TBC1D19: variants seen among roughly 807,000 people sequenced by gnomAD.
TBC1D19 encodes TBC1 domain family, member 19.
A neutral mutation model predicts 89.0 loss-of-function variants in TBC1D19; 60 were observed. The ratio of observed to expected loss-of-function variants is 0.67; its 90% confidence interval spans 0.55 to 0.84. The LOEUF is 0.84. Ranked by LOEUF, TBC1D19 falls within the 40% of genes least tolerant of loss-of-function variation. The pLI, the probability that TBC1D19 is intolerant of heterozygous loss-of-function variation, is 0.00. For missense variants in TBC1D19, 500 were observed against 610.8 expected (o/e 0.82, Z 1.91); for synonymous variants, 189 against 199.7 (o/e 0.95, Z 0.45).
chr4:26,620,676 G>A lies in TBC1D19; in HGVS notation c.282G>A (p.Met94Ile), dbSNP rs775883585. 1 of 1,613,602 alleles carries A rather than the reference G, an allele frequency of 6.2e-7. No homozygotes were observed. Among genetic ancestry groups the A allele is most frequent in the East Asian group, 2.2e-5 (1 of 44,806 alleles). ...PEHLKEPLVY[M>I]RKAQGSWEKR... is the part of the protein sequence containing the mutation. The stretch of plus-strand genomic sequence containing the variant: ...ATCTTAAAGAACCTTTGGTATACAT[G>A]AGGAAAGCACAGGTTGGCTATTGTT... Residue 94 changes from methionine to isoleucine, a missense_variant, in exon 4 of 21, where the codon ATG (methionine) becomes ATA (isoleucine). This residue lies in a region of TBC1D19 where 280 missense variants were observed against 291.7 expected (regional missense o/e 0.96). Transcript: ENST00000264866.
At chr4:26,835,974 GCTCTCTCTCT>G in the TBC1D19 span, among the ~76,000 whole-genome samples, 12 of 143,556 alleles carry the variant, frequency 8.4e-5, no homozygotes, top group East Asian at 2.0e-4. Flanking sequence ...CATGTGAAGT[GCTCTCTCTCT>G]CTCTCTCTCT....
At chr4:26,849,258 A>G in the TBC1D19 span, among the ~76,000 whole-genome samples, 2 of 152,040 alleles carry the variant, frequency 1.3e-5, no homozygotes, top group Non-Finnish European at 2.9e-5. Flanking sequence ...AGAAAGATCT[A>G]TTATCTAATT....
At chr4:26,732,745 G>A (rs1415896375) in intron 15 of TBC1D19, among the ~76,000 whole-genome samples, 1 of 152,170 alleles carries the variant, frequency 6.6e-6, no homozygotes, top group Non-Finnish European at 1.5e-5. Context: ...TAAACAAGCT[G>A]CAAACCTGAC....
upstream of TBC1D19, among the ~76,000 whole-genome samples, chr4:26,581,387 C>T (rs1480618236): frequency 6.6e-6 from 1 of 152,122 alleles, no homozygotes; most frequent in Non-Finnish European, 1.5e-5. Context: ...CCCCCCATCC[C>T]CTAACAGGCC....
chr4:26,746,371 T>TC, intron 18 of TBC1D19, among the ~76,000 whole-genome samples: 1 of 152,084 alleles, frequency 6.6e-6, no homozygotes, highest in South Asian at 2.1e-4. Context: ...ACACAGCCCT[T>TC]CACTTTTTCT....
chr4:26,654,100 A>T (rs28838894), intron 7 of TBC1D19, among the ~76,000 whole-genome samples: 3,823 of 152,208 alleles, frequency 0.025, 165 homozygotes, highest in African/African-American at 0.087. Flanking sequence ...ATTTGCTTGT[A>T]TGTAAAGGAT....
At chr4:26,612,460 A>G (rs1741439867) in intron 1 of TBC1D19, among the ~76,000 whole-genome samples, 1 of 152,024 alleles carries the variant, frequency 6.6e-6, no homozygotes, top group Non-Finnish European at 1.5e-5. Context: ...TTGATTTCTT[A>G]GGTTTGAAAT....
At chr4:26,598,502 C>G (rs1449029039) in intron 1 of TBC1D19, among the ~76,000 whole-genome samples, 1 of 152,202 alleles carries the variant, frequency 6.6e-6, no homozygotes, top group East Asian at 1.9e-4. Context: ...TCACGCCATT[C>G]TCCTGTCTCA....
chr4:26,747,766 T>A (rs889769834), intron 18 of TBC1D19, among the ~76,000 whole-genome samples: 3 of 152,210 alleles, frequency 2.0e-5, no homozygotes, highest in Non-Finnish European at 4.4e-5. Context: ...TTGTAAGTAG[T>A]AAGATCTCAT....
At chr4:26,698,547 A>G (rs1577952237) in intron 13 of TBC1D19, among the ~76,000 whole-genome samples, 1 of 152,206 alleles carries the variant, frequency 6.6e-6, no homozygotes, top group Non-Finnish European at 1.5e-5. Context: ...ATGAGCCCAC[A>G]TCGCCAAGAC....
At chr4:26,802,593 C>T in the TBC1D19 span, among the ~76,000 whole-genome samples, 2 of 152,030 alleles carry the variant, frequency 1.3e-5, no homozygotes, top group African/African-American at 2.4e-5. Flanking sequence ...CAGAGCAAGA[C>T]CCTGTGTCAA....
intron 1 of TBC1D19, chr4:26,585,053 C>T: frequency 3.8e-6 from 1 of 262,084 alleles, no homozygotes. Context: ...GTGTGAAGGG[C>T]ATTGGGTTGC....
Position 26,668,744 on chromosome 4 carries a change from G to T in TBC1D19, c.664+2339G>T, listed in dbSNP as rs138472081. ...TTTATATTCAGAATTAAGTTTAAGC[G>T]TGGCTTAAGGGAATTGTGTTCTTAC... is the stretch of plus-strand genomic sequence containing the variant. On this transcript the variant is annotated intron_variant, in intron 9 of 20. Coordinates refer to ENST00000264866, the MANE Select transcript of TBC1D19 (RefSeq NM_018317.4). Among the ~76,000 whole-genome samples, 1,091 of 151,934 alleles carry T rather than the reference G, an allele frequency of 7.2e-3. 12 individuals carry two copies. The highest frequency in any genetic ancestry group is 0.01 in the Admixed American group (157 of 15,232).
intron 13 of TBC1D19, chr4:26,702,475 A>G (rs1017011289): frequency 6.6e-6 from 1 of 152,140 alleles, no homozygotes; most frequent in African/African-American, 2.4e-5. Flanking sequence ...AACATACAAA[A>G]TATTCTGAAA....
intron 4 of TBC1D19, among the ~76,000 whole-genome samples, chr4:26,634,983 G>A (rs1385904198): frequency 1.3e-5 from 2 of 151,974 alleles, no homozygotes; most frequent in Non-Finnish European, 2.9e-5. Flanking sequence ...CTTTAATTTT[G>A]TTTTTATGTC....
chr4:26,819,413 GGA>G, the TBC1D19 span, among the ~76,000 whole-genome samples: 1 of 152,158 alleles, frequency 6.6e-6, no homozygotes, highest in Non-Finnish European at 1.5e-5. Flanking sequence ...GGGGAATGGT[GGA>G]GAGAGGAGGG....
chr4:26,837,829 A>C, the TBC1D19 span, among the ~76,000 whole-genome samples: 1 of 152,134 alleles, frequency 6.6e-6, no homozygotes, highest in East Asian at 1.9e-4. Context: ...GGCTGGTTAG[A>C]AAGGAGGATG....
the TBC1D19 span, among the ~76,000 whole-genome samples, chr4:26,818,318 G>T: frequency 6.6e-6 from 1 of 152,094 alleles, no homozygotes; most frequent in Non-Finnish European, 1.5e-5. Flanking sequence ...GCCTTGTCCT[G>T]CTGGGCTCAA....
intron 4 of TBC1D19, among the ~76,000 whole-genome samples, chr4:26,635,767 A>C (rs1743082470): frequency 6.6e-6 from 1 of 152,142 alleles, no homozygotes; most frequent in Non-Finnish European, 1.5e-5. Context: ...CCATAAGCAA[A>C]GTCACCTAAT....
Sources: gnomAD v4.1 joint callset for allele counts (sites outside exome capture counted in the v4.1 genomes callset) on GRCh38, gnomAD v4.1.1 for gene constraint, gnomAD v4.1.1 regional missense constraint, MANE v1.5 for transcripts, NCBI Gene and HGNC (gene_info 2026-07-23, HGNC 2026-07-21) for gene names.